The following CNTN4 variants were observed in gnomAD, a reference collection of about 807,000 sequenced individuals.
The protein encoded by CNTN4 is contactin-4.
Under a neutral mutation model 122.5 loss-of-function variants are expected in CNTN4, and 77 were observed. That is an observed-to-expected ratio of 0.63 (90% CI 0.52 to 0.76). The LOEUF is 0.76. CNTN4 is among the 30% of genes least tolerant of loss of function. The pLI is 0.00. For missense variants in CNTN4, 1,256 were observed against 1,259.1 expected (o/e 1.00, Z 0.04); for synonymous variants, 512 against 447.0 (o/e 1.15, Z -1.83).
intron 6 of CNTN4, among the ~76,000 whole-genome samples, chr3:2,810,942 T>C (rs747473660): frequency 3.9e-5 from 6 of 152,124 alleles, no homozygotes; most frequent in Non-Finnish European, 5.9e-5. Context: ...CTGAATAAGC[T>C]TTCCCTTTTA....
At chr3:2,643,720 T>C (rs1427473390) in intron 4 of CNTN4, among the ~76,000 whole-genome samples, 1 of 152,148 alleles carries the variant, frequency 6.6e-6, no homozygotes, top group Non-Finnish European at 1.5e-5. Flanking sequence ...GGTGATGCGA[T>C]AGTCTCCATT....
At chr3:2,821,081 C>G (rs935634855) in intron 7 of CNTN4, among the ~76,000 whole-genome samples, 1 of 150,148 alleles carries the variant, frequency 6.7e-6, no homozygotes, top group Non-Finnish European at 1.5e-5. Flanking sequence ...CATGCCTCAG[C>G]CTTCCGAGTA....
At chr3:2,775,506 G>A (rs1224397295) in intron 6 of CNTN4, among the ~76,000 whole-genome samples, 1 of 152,064 alleles carries the variant, frequency 6.6e-6, no homozygotes, top group Non-Finnish European at 1.5e-5. Context: ...TGCAACCTCT[G>A]CCTCCCAAGT....
At chr3:2,303,226 T>C (rs1173158144) in intron 2 of CNTN4, among the ~76,000 whole-genome samples, 3 of 152,248 alleles carry the variant, frequency 2.0e-5, no homozygotes, top group Non-Finnish European at 2.9e-5. Context: ...ATGAAATTTA[T>C]ATACCATATA....
intron 3 of CNTN4, among the ~76,000 whole-genome samples, chr3:2,515,673 G>A (rs1438706523): frequency 6.6e-6 from 1 of 152,018 alleles, no homozygotes. Context: ...GAAAACAGCA[G>A]ATGAAGAAGT....
intron 2 of CNTN4, among the ~76,000 whole-genome samples, chr3:2,302,397 CA>C (rs2042557380): frequency 6.6e-6 from 1 of 152,166 alleles, no homozygotes; most frequent in Non-Finnish European, 1.5e-5. Context: ...CACTGCACTC[CA>C]GCCTGGGTGA....
intron 14 of CNTN4, among the ~76,000 whole-genome samples, chr3:3,007,134 T>A (rs1430029539): frequency 6.6e-6 from 1 of 152,228 alleles, no homozygotes; most frequent in Non-Finnish European, 1.5e-5. Flanking sequence ...TTCTTATATT[T>A]ATGTTGTTTA....
At chr3:2,238,464 G>A (rs1005113745) in intron 2 of CNTN4, among the ~76,000 whole-genome samples, 1 of 151,744 alleles carries the variant, frequency 6.6e-6, no homozygotes, top group African/African-American at 2.4e-5. Flanking sequence ...ATTTGCTGAT[G>A]TATAATAAAA....
At chr3:3,026,328 T>G in intron 15 of CNTN4, 51 bp downstream of exon 15, 2 of 1,440,902 alleles carry the variant, frequency 1.4e-6, no homozygotes, top group Non-Finnish European at 2.0e-6. Flanking sequence ...TAGACCAACT[T>G]AACAATATAT....
At chr3:2,441,331 A>G (rs1001770301) in intron 3 of CNTN4, among the ~76,000 whole-genome samples, 8 of 152,200 alleles carry the variant, frequency 5.3e-5, no homozygotes, top group South Asian at 2.1e-4. Context: ...AACATTTTCT[A>G]TGAAGGACAG....
intron 13 of CNTN4, among the ~76,000 whole-genome samples, chr3:2,963,764 T>G (rs2094884898): frequency 6.6e-6 from 1 of 152,198 alleles, no homozygotes; most frequent in African/African-American, 2.4e-5. Context: ...ACATTCATAT[T>G]TGCTTTATTT....
intron 6 of CNTN4, among the ~76,000 whole-genome samples, chr3:2,763,891 A>G (rs939165399): frequency 2.0e-5 from 3 of 150,888 alleles, no homozygotes; most frequent in African/African-American, 7.3e-5. Context: ...GTGTCCCTAT[A>G]GTATAGTTTG....
At chr3:2,840,446 A>C (rs959648375) in intron 7 of CNTN4, among the ~76,000 whole-genome samples, 1 of 150,742 alleles carries the variant, frequency 6.6e-6, no homozygotes, top group Non-Finnish European at 1.5e-5. Flanking sequence ...CACGCCTGTC[A>C]TCCCAGCACT....
intron 2 of CNTN4, among the ~76,000 whole-genome samples, chr3:2,170,950 A>G (rs2728525): frequency 1 from 152,246 of 152,278 alleles, 76,107 homozygotes; most frequent in Middle Eastern, 1. Flanking sequence ...AAACAAAAGC[A>G]CATTACTCTG....
chr3:2,767,270 G>T (rs2090903696), intron 6 of CNTN4, among the ~76,000 whole-genome samples: 1 of 152,166 alleles, frequency 6.6e-6, no homozygotes, highest in African/African-American at 2.4e-5. Context: ...TTGATCTGGG[G>T]AGAGGGGGAG....
intron 3 of CNTN4, among the ~76,000 whole-genome samples, chr3:2,498,590 C>G (rs1263669065): frequency 2.6e-5 from 4 of 152,028 alleles, no homozygotes; most frequent in Admixed American, 2.6e-4. Context: ...AAATGACCCT[C>G]CCACCTCAGC....
intron 2 of CNTN4, among the ~76,000 whole-genome samples, chr3:2,156,110 G>T (rs978078394): frequency 6.6e-6 from 1 of 152,154 alleles, no homozygotes; most frequent in African/African-American, 2.4e-5. Flanking sequence ...TCAGAAGGGG[G>T]TGTAATCAGG....
At chr3:2,904,854 C>A (rs190715247) in intron 12 of CNTN4, among the ~76,000 whole-genome samples, 1 of 152,246 alleles carries the variant, frequency 6.6e-6, no homozygotes, top group East Asian at 1.9e-4. Context: ...TCTATATGAG[C>A]GCTAGCCAAT....
At chr3:2,430,053 G>T (rs935963260) in intron 3 of CNTN4, among the ~76,000 whole-genome samples, 23 of 152,006 alleles carry the variant, frequency 1.5e-4, no homozygotes, top group African/African-American at 5.6e-4. Flanking sequence ...TCAGCTCATG[G>T]TCCATGGGCT....
Sources: gnomAD v4.1 joint callset for allele counts (sites outside exome capture counted in the v4.1 genomes callset) on GRCh38, gnomAD v4.1.1 for gene constraint, MANE v1.5 for transcripts, NCBI Gene and HGNC (gene_info 2026-07-23, HGNC 2026-07-21) for gene names.